The following GSE1 variants were observed in gnomAD, a reference collection of about 807,000 sequenced individuals.
The protein encoded by GSE1 is Gse1 coiled-coil protein.
A neutral mutation model predicts 112.6 loss-of-function variants in GSE1; 32 were observed. The observed-to-expected ratio is 0.28, with a 90% CI of 0.21 to 0.38. The LOEUF is 0.38. Ranked by LOEUF, GSE1 falls within the 10% of genes least tolerant of loss-of-function variation. The pLI, the probability that GSE1 is intolerant of heterozygous loss-of-function variation, is 1.00. For synonymous variants in GSE1, 1,115 were observed against 735.6 expected (o/e 1.52, Z -8.35); for missense variants, 2,348 against 1,699.2 (o/e 1.38, Z -6.71).
intron 1 of GSE1, among the ~76,000 whole-genome samples, chr16:85,284,332 G>C (rs899774001): frequency 6.6e-6 from 1 of 152,208 alleles, no homozygotes; most frequent in Non-Finnish European, 1.5e-5. Context: ...AGCAGGCCGA[G>C]GGAAAGAGAG....
upstream of GSE1, among the ~76,000 whole-genome samples, chr16:85,607,790 C>T (rs369959706): frequency 4.6e-5 from 7 of 152,332 alleles, no homozygotes; most frequent in East Asian, 9.6e-4. Context: ...TAAATCCTGC[C>T]CAGGGTCTGG....
intron 2 of GSE1, among the ~76,000 whole-genome samples, chr16:85,371,009 G>A (rs1380596142): frequency 6.6e-6 from 1 of 152,214 alleles, no homozygotes; most frequent in Admixed American, 6.5e-5. Context: ...GCTGGCTGTG[G>A]CCTGCTCCAC....
chr16:85,480,461 C>A lies in GSE1; in HGVS notation c.2464+122818C>A, dbSNP rs569288984. Among the ~76,000 whole-genome samples, 4 of 152,328 alleles carry A rather than the reference C, an allele frequency of 2.6e-5. No homozygotes were observed. In the South Asian group the frequency reaches 8.3e-4, roughly 32 times the overall value. ...GGTGAGCTCTGCCGCCACCTCCACT[C>A]CACCCTGTTTCTGAGCCCTCTTGGG... On this transcript the variant is annotated intron_variant, in intron 2 of 2. Transcript: ENST00000637419.
At chr16:85,301,079 A>G (rs2045510259) in intron 1 of GSE1, among the ~76,000 whole-genome samples, 2 of 152,268 alleles carry the variant, frequency 1.3e-5, no homozygotes, top group South Asian at 4.1e-4. Flanking sequence ...CCGGCTCTCT[A>G]AAGTGGCCCC....
intron 1 of GSE1, among the ~76,000 whole-genome samples, chr16:85,192,029 C>G (rs1039708791): frequency 6.6e-6 from 1 of 152,190 alleles, no homozygotes. Context: ...ATGTAGACAG[C>G]AGAGATGTGA....
chr16:85,653,812 G>A (rs1286790067), intron 3 of GSE1, among the ~76,000 whole-genome samples: 1 of 152,224 alleles, frequency 6.6e-6, no homozygotes, highest in African/African-American at 2.4e-5. Flanking sequence ...GCGGCCAGGT[G>A]GGCAGCTGTC....
upstream of GSE1, among the ~76,000 whole-genome samples, chr16:85,554,063 T>C (rs561983451): frequency 6.6e-6 from 1 of 152,238 alleles, no homozygotes; most frequent in African/African-American, 2.4e-5. Context: ...AAGTCGTGAT[T>C]CCGGCTGGTT....
At chr16:85,518,640 C>T (rs913153423) in intron 2 of GSE1, among the ~76,000 whole-genome samples, 3 of 152,068 alleles carry the variant, frequency 2.0e-5, no homozygotes, top group African/African-American at 7.3e-5. Flanking sequence ...AGTGCTGCAT[C>T]TTATGCATAG....
intron 1 of GSE1, among the ~76,000 whole-genome samples, chr16:85,217,172 G>A (rs938317933): frequency 2.0e-5 from 3 of 152,240 alleles, no homozygotes; most frequent in African/African-American, 4.8e-5. Context: ...GTGTCTGGGC[G>A]GGTGTCAAGC....
intron 2 of GSE1, among the ~76,000 whole-genome samples, chr16:85,366,248 G>T (rs182554609): frequency 6.6e-6 from 1 of 152,240 alleles, no homozygotes; most frequent in African/African-American, 2.4e-5. Context: ...ACTGCCAAGC[G>T]GCAGCTGCTC....
At chr16:85,247,134 G>C (rs1905943722) in intron 1 of GSE1, among the ~76,000 whole-genome samples, 2 of 152,066 alleles carry the variant, frequency 1.3e-5, no homozygotes, top group Non-Finnish European at 2.9e-5. Context: ...TCTTTCTTCT[G>C]TTTCCACCCA....
intron 14 of GSE1, among the ~76,000 whole-genome samples, chr16:85,668,966 C>T (rs1353271154): frequency 6.6e-6 from 1 of 152,254 alleles, no homozygotes; most frequent in Non-Finnish European, 1.5e-5. Flanking sequence ...TCTCAGAATA[C>T]CCAGGATGTT....
chr16:85,489,822 G>A (rs1200962617), intron 2 of GSE1: 2 of 152,260 alleles, frequency 1.3e-5, no homozygotes, highest in Non-Finnish European at 2.9e-5. Flanking sequence ...GACTAGGGTG[G>A]GCCCTAAATC....
chr16:85,350,230 G>A lies in GSE1; in HGVS notation c.2284-7233G>A, dbSNP rs946463543. ...CTGAGAGCCAGAGCAGTTGTGGCTC[G>A]CTTGGTTTCTCCTAGTCACGCCAGC... is the stretch of plus-strand genomic sequence containing the variant. On this transcript the variant is annotated intron_variant, in intron 1 of 2. Transcript: ENST00000637419. Among the ~76,000 whole-genome samples, 438 of 152,056 alleles carry A rather than the reference G, an allele frequency of 2.9e-3. 2 individuals are homozygous for A. Among genetic ancestry groups the A allele is most frequent in the Admixed American group, 5.3e-3 (81 of 15,286 alleles).
Position 85,319,322 on chromosome 16 carries a change from A to G in GSE1, c.2284-38141A>G, listed in dbSNP as rs576974019. ...GGTGGGACAGTGTAGCGGGAGTCCT[A>G]ATGGAAGCCTCTGGATCGAGTCCCG... On this transcript the variant is annotated intron_variant, in intron 1 of 2. Transcript: ENST00000637419. Among the ~76,000 whole-genome samples, 29 of 152,296 alleles carry G rather than the reference A, an allele frequency of 1.9e-4. No individual in the cohort carries two copies. The East Asian group carries it at 4.3e-3, about 22-fold the overall frequency.
chr16:85,628,128 C>T (rs1404183366), intron 1 of GSE1, among the ~76,000 whole-genome samples: 1 of 152,240 alleles, frequency 6.6e-6, no homozygotes, highest in Non-Finnish European at 1.5e-5. Flanking sequence ...CTCTTGGCCT[C>T]CTGTCCTGGC....
chr16:85,509,202 T>C lies in GSE1; in HGVS notation c.2465-124712T>C, dbSNP rs147759450. Among the ~76,000 whole-genome samples the C allele has an allele frequency of 3.0e-3, 452 of 152,208 alleles. 2 individuals are homozygous for C. The highest frequency in any genetic ancestry group is 4.8e-3 in the Non-Finnish European group (327 of 67,996). ...CACCTGATGGGCGTGTGGGTATGTGTGGGTGCACGTGGACGCAAGGGGGCA... is the reference window on the plus strand; with the variant it reads ...CACCTGATGGGCGTGTGGGTATGTGCGGGTGCACGTGGACGCAAGGGGGCA... On this transcript the variant is annotated intron_variant, in intron 2 of 2. Coordinates refer to the GSE1 transcript ENST00000637419.
chr16:85,193,675 G>T (rs985231386), intron 1 of GSE1, among the ~76,000 whole-genome samples: 2 of 152,050 alleles, frequency 1.3e-5, no homozygotes, highest in African/African-American at 4.8e-5. Flanking sequence ...GGCCAGGCTG[G>T]TCTTGAACTT....
chr16:85,628,391 G>A (rs2049256693), intron 1 of GSE1, among the ~76,000 whole-genome samples: 1 of 152,242 alleles, frequency 6.6e-6, no homozygotes, highest in African/African-American at 2.4e-5. Flanking sequence ...GGGGCTGGAG[G>A]GGGCCCATGG....
Sources: allele counts gnomAD v4.1 joint callset (sites outside exome capture counted in the v4.1 genomes callset), GRCh38; gene constraint gnomAD v4.1.1; transcripts MANE v1.5; gene names NCBI Gene and HGNC (gene_info 2026-07-23, HGNC 2026-07-21).